Variants in RNF123 observed in about 807,000 individuals in gnomAD.
The protein encoded by RNF123 is E3 ubiquitin-protein ligase RNF123.
In RNF123, 86 loss-of-function variants were observed where a neutral mutation model predicts 168.5. That is an observed-to-expected ratio of 0.51 (90% CI 0.43 to 0.61). The LOEUF is 0.61. RNF123 is among the 20% of genes least tolerant of loss of function. The probability of loss-of-function intolerance (pLI) is 0.00; values close to 1 mark genes in which losing one functional copy is unlikely to be tolerated. For synonymous variants in RNF123, 666 were observed against 689.1 expected (o/e 0.97, Z 0.52); for missense variants, 1,419 against 1,729.7 (o/e 0.82, Z 3.19).
Position 49,721,451 on chromosome 3 carries a change from G to T in RNF123, c.*146G>T. The T allele has an allele frequency of 9.0e-7, 1 of 1,111,966 alleles. No homozygotes were observed. Among genetic ancestry groups the T allele is most frequent in the Non-Finnish European group, 1.4e-6 (1 of 727,250 alleles). The allele number at this position is 1,111,966 out of a possible 1,614,324, so 68.9% of individuals were successfully genotyped here. On this transcript the variant is annotated 3_prime_UTR_variant, in exon 39 of 39. Transcript: ENST00000327697. ...CCTGCCTGTATCCTCATTGGTGGGAGCCCAGCCATGGCCCTAATTGTGCCT... is the reference window on the plus strand; with the variant it reads ...CCTGCCTGTATCCTCATTGGTGGGATCCCAGCCATGGCCCTAATTGTGCCT...
chr3:49,697,257 G>A (rs908454576), intron 4 of RNF123, 35 bp downstream of exon 4: 7 of 1,605,742 alleles, frequency 4.4e-6, no homozygotes, highest in Non-Finnish European at 6.0e-6. Context: ...GTTGGGAGGT[G>A]CAGAGCTGGG....
chr3:49,702,625 G>T lies in RNF123; in HGVS notation c.1630-8G>T, dbSNP rs775682841. The T allele has an allele frequency of 6.2e-7, 1 of 1,614,228 alleles. No individual in the cohort carries two copies. Among genetic ancestry groups the T allele is most frequent in the Admixed American group, 1.7e-5 (1 of 60,032 alleles). On this transcript the variant is annotated splice_polypyrimidine_tract_variant and splice_region_variant and intron_variant, in intron 19 of 38. Transcript: ENST00000327697. ...CACCAATGCATGTTTCATGCCTGGT[G>T]TCCACAGAACATGCCCATGCTCTGC...
At position 49,699,382 on chromosome 3, in the gene RNF123, C is replaced by A; in HGVS notation, c.765-86C>A. The A allele has an allele frequency of 8.0e-7, 1 of 1,252,046 alleles. No homozygotes were observed. The highest frequency in any genetic ancestry group is 1.1e-6 in the Non-Finnish European group (1 of 885,598). The allele number at this position is 1,252,046 out of a possible 1,614,324, so 77.6% of individuals were successfully genotyped here. On this transcript the variant is annotated intron_variant, in intron 10 of 38. Transcript: ENST00000327697. The surrounding 1 kb of genome is among the most constrained non-coding windows in gnomAD (Gnocchi z 4.8). ...TGCAAACCAGCCCTGCCCTAGAGCC[C>A]AGGCCCCGGGGTGGGGGGTGGGCAG...
Position 49,714,173 on chromosome 3 carries a change from G to C in RNF123, c.3009G>C (p.Gln1003His), listed in dbSNP as rs1425266538. ...AGGACGCCAATTTGCCCAGCCTCCA[G>C]AGTGAGTATCTGGGTTGGGCGAGTC... ...KLEDANLPSLQKPCPSTLLQQ... is the reference protein window; with the variant it reads ...KLEDANLPSLHKPCPSTLLQQ... Residue 1003 changes from glutamine to histidine, a missense_variant and splice_region_variant, in exon 31 of 39, where the codon CAG (glutamine) becomes CAC (histidine). Transcript: ENST00000327697. 3 of 1,613,984 alleles carry C rather than the reference G, an allele frequency of 1.9e-6. No homozygotes were observed. Among genetic ancestry groups the C allele is most frequent in the Non-Finnish European group, 2.5e-6 (3 of 1,180,010 alleles).
At chr3:49,714,290 G>C (rs2080199200) in intron 31 of RNF123, 116 bp downstream of exon 31, 1 of 909,544 alleles carries the variant, frequency 1.1e-6, no homozygotes, top group South Asian at 1.5e-5. Context: ...CCCCCATTGG[G>C]TCCCAGACTC....
rs1291630700 is a variant in RNF123 at position 49,709,330 on chromosome 3, T to C, written c.2496+2432T>C. ...ATTTTTTTTTTTTTGAGACAGAGTC[T>C]CACTCTTTCACCCAGGCCGGAGTGC... On this transcript the variant is annotated intron_variant, in intron 26 of 38. Coordinates refer to ENST00000327697, the MANE Select transcript of RNF123 (RefSeq NM_022064.5). Among the ~76,000 whole-genome samples the C allele has an allele frequency of 5.4e-5, 8 of 148,850 alleles. No homozygotes were observed. In the East Asian group the frequency reaches 1.2e-3, roughly 22 times the overall value.
At chr3:49,707,670 G>T (rs1466131767) in intron 26 of RNF123, among the ~76,000 whole-genome samples, 1 of 152,040 alleles carries the variant, frequency 6.6e-6, no homozygotes, top group Non-Finnish European at 1.5e-5. Context: ...GAGGCCTTTG[G>T]TATCCCCATT....
In RNF123 at chr3:49,721,326, C is replaced by T; in HGVS notation, c.*21C>T. 6.2e-7 allele frequency: 1 copy of T among 1,614,130 alleles called. No homozygotes were observed. ...CCTAGCCCTCACAGCCTGTGCCATC[C>T]TGGAACCTCCACCTTTGAACCCAGA... On this transcript the variant is annotated 3_prime_UTR_variant, in exon 39 of 39. Transcript: ENST00000327697.
chr3:49,697,980 A>G, intron 6 of RNF123, 41 bp downstream of exon 6: 1 of 1,613,776 alleles, frequency 6.2e-7, no homozygotes, highest in African/African-American at 1.3e-5. Context: ...GTGAGGAGAA[A>G]GTTTAAGGGC....
chr3:49,719,446 A>G, intron 35 of RNF123: 3 of 1,613,096 alleles, frequency 1.9e-6, no homozygotes, highest in Non-Finnish European at 2.5e-6. Flanking sequence ...CAGTGTCCCC[A>G]GCAGCACCAA....
At chr3:49,696,088 C>T (rs573862601) in intron 3 of RNF123, among the ~76,000 whole-genome samples, 56 of 152,214 alleles carry the variant, frequency 3.7e-4, no homozygotes, top group East Asian at 5.8e-4. Context: ...TGGGTGGTGG[C>T]GAGACTGGAA....
chr3:49,697,427 G>T lies in RNF123; in HGVS notation c.312G>T (p.Gly104=), dbSNP rs145265101. The T allele has an allele frequency of 1.9e-6, 3 of 1,610,200 alleles. No individual in the cohort carries two copies. Among genetic ancestry groups the T allele is most frequent in the Non-Finnish European group, 8.5e-7 (1 of 1,177,998 alleles). The change falls in exon 5 of 39, where the codon GGG becomes GGT. Residue 104 remains glycine, a synonymous_variant. Transcript: ENST00000327697. ...TGGACCACACAGGCGGCTTTGAGGG[G>T]CTTCTCCTGGTGGATGATGACCTGC... ...VVLDHTGGFE[G]LLLVDDDLLG...
At chr3:49,718,582 G>C (rs1214903324) in intron 35 of RNF123, 13 of 1,613,080 alleles carry the variant, frequency 8.1e-6, no homozygotes, top group Non-Finnish European at 1.1e-5. Flanking sequence ...AAGCCTCAGG[G>C]ACCGACCCAC....
chr3:49,720,164 C>CAACAATT (rs1437522879), intron 35 of RNF123: 1 of 169,696 alleles, frequency 5.9e-6, no homozygotes, highest in African/African-American at 2.4e-5. Flanking sequence ...AAAAATACAA[C>CAACAATT]AATTAGCCGG....
intron 26 of RNF123, among the ~76,000 whole-genome samples, chr3:49,707,471 A>T (rs1360972077): frequency 6.6e-6 from 1 of 152,192 alleles, no homozygotes; most frequent in African/African-American, 2.4e-5. Flanking sequence ...ATGGACAGAC[A>T]GATGGATGGG....
chr3:49,691,858 C>T (rs570351116), intron 3 of RNF123, among the ~76,000 whole-genome samples: 2 of 152,348 alleles, frequency 1.3e-5, no homozygotes, highest in South Asian at 2.1e-4. Context: ...TTCTGACTGA[C>T]CTTGTAAAGA....
At chr3:49,715,795 C>T (rs1165524227) in intron 32 of RNF123, 27 bp from the exon 33 acceptor site, 15 of 1,613,902 alleles carry the variant, frequency 9.3e-6, no homozygotes, top group Non-Finnish European at 1.3e-5. Flanking sequence ...GTGCTGACCA[C>T]TGCATGCCCA....
chr3:49,701,961 G>A, intron 17 of RNF123, 51 bp downstream of exon 17: 2 of 1,552,262 alleles, frequency 1.3e-6, no homozygotes, highest in Non-Finnish European at 8.7e-7. Flanking sequence ...GTGTGCACAT[G>A]AGGGTGCTTG....
Position 49,699,815 on chromosome 3 carries a change from C to A in RNF123, c.984+43C>A. ...GGGCATGGGAGGGGAGGAGACAGGC[C>A]ATGCTAGACACGCCCGTGGTAGATG... On this transcript the variant is annotated intron_variant, in intron 12 of 38. Transcript: ENST00000327697. The surrounding 1 kb of genome is among the most constrained non-coding windows in gnomAD (Gnocchi z 4.8). 6.4e-7 allele frequency: 1 copy of A among 1,570,822 alleles called. No homozygotes were observed. Among genetic ancestry groups the A allele is most frequent in the Non-Finnish European group, 8.7e-7 (1 of 1,143,452 alleles).
Sources: gnomAD v4.1 joint callset for allele counts (sites outside exome capture counted in the v4.1 genomes callset) on GRCh38, gnomAD v4.1.1 for gene constraint, Gnocchi (gnomAD v3.1) non-coding constraint, MANE v1.5 for transcripts, NCBI Gene and HGNC (gene_info 2026-07-23, HGNC 2026-07-21) for gene names.